The following BRIP1 variants were observed in gnomAD, a reference collection of about 807,000 sequenced individuals.
BRIP1 encodes BRCA1 interacting DNA helicase 1, also known as Fanconi anemia group J protein.
BRIP1 carries 88 observed loss-of-function variants against 119.7 expected under a neutral mutation model. The observed-to-expected ratio is 0.74, with a 90% CI of 0.62 to 0.88. The LOEUF (loss-of-function observed/expected upper bound fraction) is 0.88, where lower values mean the gene tolerates loss of function less well. BRIP1 is among the 40% of genes least tolerant of loss of function. The pLI is 0.00. For synonymous variants in BRIP1, 443 were observed against 496.5 expected (o/e 0.89, Z 1.43); for missense variants, 1,259 against 1,455.4 (o/e 0.87, Z 2.20).
At chr17:61,782,152 G>A (rs920936348) in intron 11 of BRIP1, among the ~76,000 whole-genome samples, 12 of 152,036 alleles carry the variant, frequency 7.9e-5, no homozygotes, top group Middle Eastern at 3.4e-3. Flanking sequence ...TTGGGAGGCC[G>A]AGGTGGGCGG....
At position 61,729,963 on chromosome 17, in the gene BRIP1, T is replaced by C. The variant is rs994762343; in HGVS notation, c.2379+13050A>G. ...CAGGACACTCCTCGGAACAAAGAAT[T>C]ACCCAGTCCAAAATGTCAATAGTGC... On this transcript the variant is annotated intron_variant, in intron 16 of 19. Coordinates refer to ENST00000259008, the MANE Select transcript of BRIP1 (RefSeq NM_032043.3). This position sits in a 1 kb window ranked among gnomAD's most constrained non-coding sequence, Gnocchi z 5.6. Among the ~76,000 whole-genome samples the C allele has an allele frequency of 6.6e-6, 1 of 152,108 alleles. No homozygotes were observed. Among genetic ancestry groups the C allele is most frequent in the African/African-American group, 2.4e-5 (1 of 41,406 alleles).
chr17:61,716,980 T>G (rs1347737173), intron 16 of BRIP1, among the ~76,000 whole-genome samples: 1 of 152,062 alleles, frequency 6.6e-6, no homozygotes, highest in Non-Finnish European at 1.5e-5. Context: ...TATTGTCCTT[T>G]ATGCTATTGC....
At chr17:61,821,865 A>T (rs556629033) in intron 6 of BRIP1, among the ~76,000 whole-genome samples, 3 of 152,326 alleles carry the variant, frequency 2.0e-5, no homozygotes, top group South Asian at 2.1e-4. Flanking sequence ...AGCTGGGGCT[A>T]CAGGTGAATA....
chr17:61,863,458 C>T lies in BRIP1; in HGVS notation c.-205G>A, dbSNP rs2048718. ...TACTTCCCCGGCCTTGTGTGCAGGA[C>T]TGGGGCCGCCGTTACCTTTCCTCGA... On this transcript the variant is annotated 5_prime_UTR_variant, in exon 1 of 20. Transcript: ENST00000259008. The T allele has an allele frequency of 0.43, 64,830 of 151,882 alleles. 15,252 individuals are homozygous for T. Among genetic ancestry groups the T allele is most frequent in the East Asian group, 0.8 (4,102 of 5,140 alleles). 9.4% of individuals were successfully genotyped at this position (151,882 alleles called of 1,614,324 possible). A position where few individuals can be genotyped will look rare whatever the true frequency, so the allele number is the denominator to read the frequency against.
chr17:61,715,609 A>C (rs1456318381), intron 17 of BRIP1, among the ~76,000 whole-genome samples: 1 of 152,180 alleles, frequency 6.6e-6, no homozygotes, highest in African/African-American at 2.4e-5. Context: ...GTTTATCTAT[A>C]AAATTGTTAT....
At position 61,825,281 on chromosome 17, in the gene BRIP1, T is replaced by A. The variant is rs1270608854; in HGVS notation, c.628-16524A>T. On this transcript the variant is annotated intron_variant, in intron 6 of 19. Transcript: ENST00000259008. The surrounding 1 kb of genome is among the most constrained non-coding windows in gnomAD (Gnocchi z 4.1). ...GCCTGGGCGACAGAGCAAGACTCTG[T>A]CTCAAAACGAAAAAAAAAAGAAAAG... is the stretch of plus-strand genomic sequence containing the variant. 6.7e-6 allele frequency among the ~76,000 whole-genome samples: 1 copy of A among 148,756 alleles called. No homozygotes were observed. The highest frequency in any genetic ancestry group is 1.5e-5 in the Non-Finnish European group (1 of 67,372).
In BRIP1 at chr17:61,761,402, T is replaced by G. The variant is rs2077274635; in HGVS notation, c.2097+14999A>C. ...TCCACTTAACACAGTACTGAAGTCC[T>G]TGCCAGAAAAATTTAGAAAGAGAAA... On this transcript the variant is annotated intron_variant, in intron 14 of 19. Transcript: ENST00000259008. The surrounding 1 kb of genome is among the most constrained non-coding windows in gnomAD (Gnocchi z 6.4). Among the ~76,000 whole-genome samples the G allele has an allele frequency of 6.6e-6, 1 of 151,880 alleles. No homozygotes were observed. Among genetic ancestry groups the G allele is most frequent in the African/African-American group, 2.4e-5 (1 of 41,382 alleles).
At chr17:61,839,269 C>T (rs891978598) in intron 6 of BRIP1, among the ~76,000 whole-genome samples, 4 of 151,832 alleles carry the variant, frequency 2.6e-5, no homozygotes, top group Admixed American at 1.3e-4. Context: ...AAAGGAGAAA[C>T]ATTCATGCTC....
Position 61,762,144 on chromosome 17 carries a change from C to A in BRIP1, c.2097+14257G>T, listed in dbSNP as rs2077286020. Among the ~76,000 whole-genome samples the A allele has an allele frequency of 6.6e-6, 1 of 151,444 alleles. No homozygotes were observed. The highest frequency in any genetic ancestry group is 2.1e-4 in the South Asian group (1 of 4,794). On this transcript the variant is annotated intron_variant, in intron 14 of 19. Coordinates refer to ENST00000259008, the MANE Select transcript of BRIP1 (RefSeq NM_032043.3). The surrounding 1 kb of genome is among the most constrained non-coding windows in gnomAD (Gnocchi z 4.3). ...TTTCAACAAAGGTGCCAAGTATACA[C>A]AATGGGAAAAAAAGACTCTCTAAAA...
At chr17:61,847,249 A>T (rs1399233069) in intron 5 of BRIP1, 29 bp from the exon 6 acceptor site, 49 of 1,612,836 alleles carry the variant, frequency 3.0e-5, no homozygotes, top group Non-Finnish European at 4.0e-5. Context: ...AATGAAGTTT[A>T]AGGTGAACTA....
At position 61,862,479 on chromosome 17, in the gene BRIP1, T is replaced by C. The variant is rs7213026; in HGVS notation, c.-31+805A>G. ...AGAATGTACCTAACCCAGGATCTGA[T>C]ACAGATGAGGATCACTTTAATCCTC... is the stretch of plus-strand genomic sequence containing the variant. On this transcript the variant is annotated intron_variant, in intron 1 of 19. Transcript: ENST00000259008. This position sits in a 1 kb window ranked among gnomAD's most constrained non-coding sequence, Gnocchi z 5.3. Among the ~76,000 whole-genome samples the C allele has an allele frequency of 0.11, 17,480 of 152,226 alleles. 3,347 individuals carry two copies. Among genetic ancestry groups the C allele is most frequent in the African/African-American group, 0.4 (16,447 of 41,472 alleles).
rs1045516247 is a variant in BRIP1 at position 61,744,655 on chromosome 17, G to A, written c.2098-64C>T. 1.4e-6 allele frequency: 2 copies of A among 1,436,334 alleles called. No homozygotes were observed. The highest frequency in any genetic ancestry group is 2.0e-6 in the Non-Finnish European group (2 of 1,020,262). The allele number at this position is 1,436,334 out of a possible 1,614,324, so 89.0% of individuals were successfully genotyped here. On this transcript the variant is annotated intron_variant, in intron 14 of 19. Transcript: ENST00000259008. This position sits in a 1 kb window ranked among gnomAD's most constrained non-coding sequence, Gnocchi z 5.0. ...TAGCTAAACAAACTTAACTTCATTT[G>A]TTTAAGCCAATGTGACTACGGCAAG...
chr17:61,697,348 A>C (rs2061544437), intron 17 of BRIP1, among the ~76,000 whole-genome samples: 1 of 92,832 alleles, frequency 1.1e-5, no homozygotes, highest in Non-Finnish European at 2.5e-5. Context: ...AAAAAAAAAA[A>C]AAAAAAAAAA....
intron 11 of BRIP1, 110 bp from the exon 12 acceptor site, chr17:61,781,115 C>A: frequency 1.1e-6 from 1 of 948,382 alleles, no homozygotes; most frequent in Non-Finnish European, 1.6e-6. Flanking sequence ...AGAGCTGGTA[C>A]CTTCCCATTC....
chr17:61,784,786 T>C (rs111379355), intron 10 of BRIP1, among the ~76,000 whole-genome samples: 102 of 152,292 alleles, frequency 6.7e-4, no homozygotes, highest in African/African-American at 2.3e-3. Flanking sequence ...CCATATGATC[T>C]GTACAAACCA....
At chr17:61,721,042 T>C (rs1223521808) in intron 16 of BRIP1, among the ~76,000 whole-genome samples, 3 of 151,692 alleles carry the variant, frequency 2.0e-5, no homozygotes, top group South Asian at 2.1e-4. Flanking sequence ...GGATTTCACA[T>C]TGTTGGTCAG....
In BRIP1 at chr17:61,831,346, T is replaced by G. The variant is rs1217202089; in HGVS notation, c.627+15755A>C. Among the ~76,000 whole-genome samples, 1 of 152,194 alleles carries G rather than the reference T, an allele frequency of 6.6e-6. No individual in the cohort carries two copies. Among genetic ancestry groups the G allele is most frequent in the Non-Finnish European group, 1.5e-5 (1 of 68,032 alleles). Reference sequence around the variant, plus strand: ...GCAACTTTGGGTACTTAGAAAGTCCTAAAGAAACTCCAAAAATATCAACTA... The same window carrying G: ...GCAACTTTGGGTACTTAGAAAGTCCGAAAGAAACTCCAAAAATATCAACTA... On this transcript the variant is annotated intron_variant, in intron 6 of 19. Coordinates refer to ENST00000259008, the MANE Select transcript of BRIP1 (RefSeq NM_032043.3). This position sits in a 1 kb window ranked among gnomAD's most constrained non-coding sequence, Gnocchi z 4.1.
In BRIP1 at chr17:61,743,778, C is replaced by T. The variant is rs868439201; in HGVS notation, c.2258-644G>A. ...TCACAGCTCACTGCAGCCTTGACCT[C>T]CTGGGCTCAGGTAATCCTCCCACCT... is the stretch of plus-strand genomic sequence containing the variant. On this transcript the variant is annotated intron_variant, in intron 15 of 19. Transcript: ENST00000259008. The surrounding 1 kb of genome is among the most constrained non-coding windows in gnomAD (Gnocchi z 4.3). Among the ~76,000 whole-genome samples the T allele has an allele frequency of 2.0e-4, 31 of 152,254 alleles. No individual in the cohort carries two copies. Among genetic ancestry groups the T allele is most frequent in the African/African-American group, 7.2e-4 (30 of 41,552 alleles).
At position 61,713,785 on chromosome 17, in the gene BRIP1, G is replaced by C. The variant is rs899979996; in HGVS notation, c.2492+2166C>G. 2.0e-5 allele frequency among the ~76,000 whole-genome samples: 3 copies of C among 151,910 alleles called. No individual in the cohort carries two copies. The highest frequency in any genetic ancestry group is 2.9e-5 in the Non-Finnish European group (2 of 67,994). ...GATCTGCCCACCTTGGCCTCCCAAA[G>C]TGCTGGATTACAGGCTTCAGCTATT... On this transcript the variant is annotated intron_variant, in intron 17 of 19. Transcript: ENST00000259008. This position sits in a 1 kb window ranked among gnomAD's most constrained non-coding sequence, Gnocchi z 4.9.
Sources: allele counts gnomAD v4.1 joint callset (sites outside exome capture counted in the v4.1 genomes callset), GRCh38; gene constraint gnomAD v4.1.1; non-coding constraint Gnocchi (gnomAD v3.1); transcripts MANE v1.5; gene names NCBI Gene and HGNC (gene_info 2026-07-23, HGNC 2026-07-21).